The following KCNQ4 variants were observed in gnomAD, a reference collection of about 807,000 sequenced individuals.
KCNQ4 encodes the protein potassium voltage-gated channel subfamily Q member 4.
A neutral mutation model predicts 72.6 loss-of-function variants in KCNQ4; 31 were observed. The observed-to-expected ratio is 0.43, with a 90% confidence interval of 0.32 to 0.58. The LOEUF (loss-of-function observed/expected upper bound fraction) is 0.58. Ranked by LOEUF, KCNQ4 falls within the 20% of genes least tolerant of loss-of-function variation. The pLI, the probability that KCNQ4 is intolerant of heterozygous loss-of-function variation, is 0.08. For missense variants in KCNQ4, 869 were observed against 962.6 expected, an observed-to-expected ratio of 0.90 and a Z score of 1.29; for synonymous variants, 405 against 403.7, an observed-to-expected ratio of 1.00 and a Z score of -0.04.
intron 8 of KCNQ4, among the ~76,000 whole-genome samples, chr1:40,822,653 C>T (rs1484991198): frequency 6.6e-6 from 1 of 152,202 alleles, no homozygotes; most frequent in Non-Finnish European, 1.5e-5. Context: ...TGAACCCCGG[C>T]CCTGGAGTGC....
At chr1:40,804,509 G>C (rs943423480) in intron 1 of KCNQ4, among the ~76,000 whole-genome samples, 1 of 152,102 alleles carries the variant, frequency 6.6e-6, no homozygotes, top group African/African-American at 2.4e-5. Context: ...TGCCACTTCC[G>C]CTTCCCCTCA....
chr1:40,809,882 T>C (rs1305317079), intron 1 of KCNQ4, among the ~76,000 whole-genome samples: 1 of 152,014 alleles, frequency 6.6e-6, no homozygotes, highest in East Asian at 1.9e-4. Flanking sequence ...CTGGCCAACA[T>C]GGTGAAACCC....
At chr1:40,824,583 T>C (rs1446007301) in intron 9 of KCNQ4, among the ~76,000 whole-genome samples, 1 of 152,204 alleles carries the variant, frequency 6.6e-6, no homozygotes, top group East Asian at 1.9e-4. Flanking sequence ...CCTCCATCCC[T>C]GCACCCCCAT....
chr1:40,819,363 G>C lies in KCNQ4; in HGVS notation c.725G>C (p.Trp242Ser). 1 of 1,613,854 alleles carries C rather than the reference G, an allele frequency of 6.2e-7. No homozygotes were observed. The highest frequency in any genetic ancestry group is 1.3e-5 in the African/African-American group (1 of 75,012). ...GCCCCGCAGGAGCTGATCACCGCCTGGTACATCGGGTTCCTGGTGCTCATC... is the reference window on the plus strand; with the variant it reads ...GCCCCGCAGGAGCTGATCACCGCCTCGTACATCGGGTTCCTGGTGCTCATC... The part of the protein sequence containing the change: ...YAHSKELITA[W>S]YIGFLVLIFA... Residue 242 changes from tryptophan to serine, a missense_variant, in exon 5 of 14, where the codon TGG becomes TCG. Trp to Ser is a radical substitution (Grantham distance 177, BLOSUM62 -3). Around this residue, in one of 5 missense-constraint regions of KCNQ4, gnomAD observed 179 missense variants for 243.0 expected, o/e 0.74. Transcript: ENST00000347132.
chr1:40,820,115 C>G (rs1648242813), intron 6 of KCNQ4, 50 bp from the exon 7 acceptor site: 2 of 1,553,982 alleles, frequency 1.3e-6, no homozygotes, highest in Admixed American at 3.5e-5. Flanking sequence ...CAGCCTCTTA[C>G]TGCCCCACCA....
At chr1:40,797,341 C>G (rs1020369292) in intron 1 of KCNQ4, among the ~76,000 whole-genome samples, 4 of 152,184 alleles carry the variant, frequency 2.6e-5, no homozygotes, top group Admixed American at 6.5e-5. Context: ...TGAAAAGGAG[C>G]AAGGAACAGT....
At position 40,817,298 on chromosome 1, in the gene KCNQ4, T is replaced by C. The variant is rs748942236; in HGVS notation, c.348T>C (p.Ser116=). Residue 116 remains serine, a synonymous_variant, in exon 2 of 14, where the codon TCT becomes TCC. Transcript: ENST00000347132. The surrounding 1 kb of genome is among the most constrained non-coding windows in gnomAD (Gnocchi z 5.5). Reference sequence around the variant, plus strand: ...TGGTCTTCAGCTGCCTGGTGCTGTCTGTGCTGTCCACTATCCAGGAGCACC... The same window carrying C: ...TGGTCTTCAGCTGCCTGGTGCTGTCCGTGCTGTCCACTATCCAGGAGCACC... The part of the protein sequence containing the change: ...FLLVFSCLVL[S]VLSTIQEHQE... 1 of 1,614,088 alleles carries C rather than the reference T, an allele frequency of 6.2e-7. No homozygotes were observed. Among genetic ancestry groups the C allele is most frequent in the South Asian group, 1.1e-5 (1 of 90,996 alleles).
chr1:40,838,389 C>G lies in KCNQ4; in HGVS notation c.1954C>G (p.Leu652Val), dbSNP rs727505133. 6.2e-7 allele frequency: 1 copy of G among 1,614,090 alleles called. No individual in the cohort carries two copies. Among genetic ancestry groups the G allele is most frequent in the East Asian group, 2.2e-5 (1 of 44,876 alleles). ...CCTGCGCTCTGGCACCTCGGCCAGC[C>G]TGGGCGCCGTGCAAGTGCCGCTGTT... ...RCLRSGTSAS[L>V]GAVQVPLFDP... The change falls in exon 14 of 14, where the codon CTG (leucine) becomes GTG (valine). Residue 652 changes from leucine to valine, a missense_variant. Leu to Val is a conservative substitution (Grantham distance 32). This residue lies in a region of KCNQ4 where 480 missense variants were observed against 501.9 expected (regional missense o/e 0.96). Transcript: ENST00000347132.
At position 40,820,093 on chromosome 1, in the gene KCNQ4, G is replaced by A. The variant is rs866908418; in HGVS notation, c.946-72G>A. On this transcript the variant is annotated intron_variant, in intron 6 of 13. Transcript: ENST00000347132. ...GGGGTACCTCAGAGGGGCAAGGATG[G>A]GGACACCCTTGCAGCCTCTTACTGC... 10 of 1,511,938 alleles carry A rather than the reference G, an allele frequency of 6.6e-6. No homozygotes were observed. The Middle Eastern group carries it at 1.8e-3, about 265-fold the overall frequency. 93.7% of individuals were successfully genotyped at this position (1,511,938 alleles called of 1,614,324 possible).
rs775292721 is a variant in KCNQ4 at position 40,819,510 on chromosome 1, G to A, written c.834+38G>A. ...CTTTGTAGGGCTGCCCTTCTCCCTGGGATCCTCCCTGGGAACTTCCCGAGG... is the reference window on the plus strand; with the variant it reads ...CTTTGTAGGGCTGCCCTTCTCCCTGAGATCCTCCCTGGGAACTTCCCGAGG... On this transcript the variant is annotated intron_variant, in intron 5 of 13. Transcript: ENST00000347132. 2.5e-6 allele frequency: 4 copies of A among 1,611,750 alleles called. No homozygotes were observed. The South Asian group carries it at 4.4e-5, about 18-fold the overall frequency.
intron 1 of KCNQ4, among the ~76,000 whole-genome samples, chr1:40,785,693 C>G (rs1647195668): frequency 6.6e-6 from 1 of 152,138 alleles, no homozygotes; most frequent in East Asian, 1.9e-4. Context: ...TGACTGTCCA[C>G]TCTTCCTCTA....
At chr1:40,800,957 C>T (rs1437612763) in intron 1 of KCNQ4, among the ~76,000 whole-genome samples, 1 of 152,196 alleles carries the variant, frequency 6.6e-6, no homozygotes, top group Admixed American at 6.5e-5. Flanking sequence ...TGGAAATGTA[C>T]AGGGAGTGGA....
In KCNQ4 at chr1:40,839,024, G is replaced by A; in HGVS notation, c.*501G>A. The stretch of plus-strand genomic sequence containing the variant: ...CACAGGACCCTGCCACAAGGCAGGT[G>A]GACACCATATATGCAAACCATGTTA... On this transcript the variant is annotated 3_prime_UTR_variant, in exon 14 of 14. Transcript: ENST00000347132. The A allele has an allele frequency of 4.6e-6, 1 of 215,996 alleles. No homozygotes were observed. The allele number at this position is 215,996 out of a possible 1,614,324, so 13.4% of individuals were successfully genotyped here.
chr1:40,802,416 G>A (rs1647607313), intron 1 of KCNQ4, among the ~76,000 whole-genome samples: 1 of 152,168 alleles, frequency 6.6e-6, no homozygotes, highest in Non-Finnish European at 1.5e-5. Context: ...GGGGGAGGCC[G>A]CGGGGAGGTA....
Position 40,818,664 on chromosome 1 carries a change from T to C in KCNQ4, c.692T>C (p.Val231Ala), listed in dbSNP as rs761640389. 1 of 1,603,814 alleles carries C rather than the reference T, an allele frequency of 6.2e-7. No homozygotes were observed. ...ACCTGGAAGCTGCTGGGCTCAGTGG[T>C]CTACGCGCATAGCAAGGTGAGGCCT... ...GGTWKLLGSV[V>A]YAHSKELITA... is the part of the protein sequence containing the mutation. Residue 231 changes from valine (V) to alanine (A), a missense_variant, in exon 4 of 14, where the codon GTC becomes GCC. Around this residue, in one of 5 missense-constraint regions of KCNQ4, gnomAD observed 179 missense variants for 243.0 expected, o/e 0.74. Coordinates refer to ENST00000347132, the MANE Select transcript of KCNQ4 (RefSeq NM_004700.4).
intron 1 of KCNQ4, among the ~76,000 whole-genome samples, chr1:40,809,713 G>A (rs1474804556): frequency 6.6e-6 from 1 of 152,126 alleles, no homozygotes; most frequent in East Asian, 1.9e-4. Context: ...GATCTATTCT[G>A]TGTACTTCCC....
chr1:40,819,590 A>T (rs1472733459), intron 5 of KCNQ4, 118 bp downstream of exon 5: 2 of 1,394,972 alleles, frequency 1.4e-6, no homozygotes, highest in Non-Finnish European at 2.0e-6. Context: ...CTGCCCTCTC[A>T]CTAGAGCTGG....
intron 1 of KCNQ4, among the ~76,000 whole-genome samples, chr1:40,786,515 A>G (rs1647204692): frequency 6.6e-6 from 1 of 152,208 alleles, no homozygotes; most frequent in Non-Finnish European, 1.5e-5. Flanking sequence ...GGGCCAGGGC[A>G]TGTCTTGGGA....
At chr1:40,821,503 C>A (rs1648290825) in intron 7 of KCNQ4, among the ~76,000 whole-genome samples, 1 of 152,158 alleles carries the variant, frequency 6.6e-6, no homozygotes, top group South Asian at 2.1e-4. Context: ...GACAGTCTCT[C>A]CTCCTGTCTG....
Sources: allele counts gnomAD v4.1 joint callset (sites outside exome capture counted in the v4.1 genomes callset), GRCh38; gene constraint gnomAD v4.1.1; regional missense constraint gnomAD v4.1.1; non-coding constraint Gnocchi (gnomAD v3.1); transcripts MANE v1.5; gene names NCBI Gene and HGNC (gene_info 2026-07-23, HGNC 2026-07-21).